Variants in KCNAB1 observed in about 807,000 individuals in gnomAD.
The protein encoded by KCNAB1 is potassium voltage-gated channel subfamily A regulatory beta subunit 1.
Under a neutral mutation model 64.6 loss-of-function variants are expected in KCNAB1, and 35 were observed. The observed-to-expected ratio is 0.54, with a 90% CI of 0.41 to 0.72. The LOEUF (loss-of-function observed/expected upper bound fraction) is 0.72, where lower values mean the gene tolerates loss of function less well. Ranked by LOEUF, KCNAB1 falls within the 30% of genes least tolerant of loss-of-function variation. The pLI is 0.00. For synonymous variants in KCNAB1, 177 were observed against 183.8 expected (o/e 0.96, Z 0.30); for missense variants, 401 against 512.9 (o/e 0.78, Z 2.11).
chr3:156,462,648 C>A (rs1487622629), intron 5 of KCNAB1, among the ~76,000 whole-genome samples: 2 of 152,178 alleles, frequency 1.3e-5, no homozygotes, highest in Admixed American at 6.5e-5. Flanking sequence ...CACCATCATT[C>A]CCCATTGGTT....
At chr3:156,373,211 C>T (rs1726430314) in intron 1 of KCNAB1, among the ~76,000 whole-genome samples, 1 of 152,168 alleles carries the variant, frequency 6.6e-6, no homozygotes, top group South Asian at 2.1e-4. Context: ...GTTATTTCAT[C>T]CCAACACAAC....
At chr3:156,320,994 G>A (rs1333306287) in intron 1 of KCNAB1, among the ~76,000 whole-genome samples, 1 of 151,772 alleles carries the variant, frequency 6.6e-6, no homozygotes, top group Non-Finnish European at 1.5e-5. Flanking sequence ...AGGCACCAGG[G>A]TCACACTTAC....
At chr3:156,513,029 G>A (rs887676449) in intron 8 of KCNAB1, among the ~76,000 whole-genome samples, 11 of 152,150 alleles carry the variant, frequency 7.2e-5, no homozygotes, top group Non-Finnish European at 1.3e-4. Flanking sequence ...TGGCTAACAC[G>A]GTGAAACCCT....
Position 156,536,716 on chromosome 3 carries a change from A to T in KCNAB1, c.1229A>T (p.Lys410Met). 1 of 1,613,066 alleles carries T rather than the reference A, an allele frequency of 6.2e-7. No homozygotes were observed. Among genetic ancestry groups the T allele is most frequent in the Non-Finnish European group, 8.5e-7 (1 of 1,179,000 alleles). The part of the protein sequence containing the change: ...VNEIDNILRN[K>M]PYSKKDYRS ...GAGATTGATAACATACTGCGCAACA[A>T]GCCCTACAGCAAGAAGGACTATAGA... The change falls in exon 14 of 14, where the codon AAG becomes ATG. Residue 410 changes from lysine (K) to methionine (M), a missense_variant. Physicochemically the swap from Lys to Met is moderately conservative, Grantham distance 95 (BLOSUM62 -1). Transcript: ENST00000490337.
intron 1 of KCNAB1, among the ~76,000 whole-genome samples, chr3:156,316,184 G>A (rs1049195410): frequency 6.6e-5 from 10 of 152,198 alleles, no homozygotes; most frequent in African/African-American, 1.9e-4. Flanking sequence ...CTTATTTCCC[G>A]CATTTTATAG....
chr3:156,339,096 C>G (rs1306048552), intron 1 of KCNAB1, among the ~76,000 whole-genome samples: 1 of 152,082 alleles, frequency 6.6e-6, no homozygotes, highest in Non-Finnish European at 1.5e-5. Flanking sequence ...GGCCTGCGCT[C>G]AGGGGTCGGG....
At chr3:156,233,371 A>G (rs1397947114) in intron 1 of KCNAB1, among the ~76,000 whole-genome samples, 2 of 152,182 alleles carry the variant, frequency 1.3e-5, no homozygotes, top group Admixed American at 6.5e-5. Flanking sequence ...ATAAAGACCC[A>G]AAGGAGATAG....
intron 1 of KCNAB1, among the ~76,000 whole-genome samples, chr3:156,130,809 C>T (rs112733789): frequency 0.024 from 3,710 of 152,304 alleles, 65 homozygotes; most frequent in Non-Finnish European, 0.037. Context: ...GCTTCTTGTC[C>T]TGCACCTGTC....
intron 1 of KCNAB1, among the ~76,000 whole-genome samples, chr3:156,295,356 T>G (rs929565249): frequency 1.3e-5 from 2 of 152,190 alleles, no homozygotes; most frequent in Non-Finnish European, 2.9e-5. Flanking sequence ...GTATAATGCC[T>G]TCTACTTATA....
chr3:156,256,686 A>T (rs1718117939), intron 1 of KCNAB1, among the ~76,000 whole-genome samples: 1 of 151,946 alleles, frequency 6.6e-6, no homozygotes. Context: ...TAGCTTAAGT[A>T]TTTTTTTTAC....
At chr3:156,415,796 A>C (rs1489718701) in intron 1 of KCNAB1, among the ~76,000 whole-genome samples, 1 of 152,094 alleles carries the variant, frequency 6.6e-6, no homozygotes, top group African/African-American at 2.4e-5. Context: ...CGGTTCCCTC[A>C]GCCGCTGACC....
At chr3:156,209,134 G>C (rs1264264697) in intron 1 of KCNAB1, among the ~76,000 whole-genome samples, 1 of 152,180 alleles carries the variant, frequency 6.6e-6, no homozygotes, top group African/African-American at 2.4e-5. Flanking sequence ...GAGATGATGA[G>C]TTCCATAATC....
intron 1 of KCNAB1, among the ~76,000 whole-genome samples, chr3:156,373,764 GCCATCA>G (rs1711502944): frequency 6.6e-6 from 1 of 152,202 alleles, no homozygotes; most frequent in African/African-American, 2.4e-5. Flanking sequence ...GCCCTCCACG[GCCATCA>G]GCCTTGTACC....
chr3:156,279,101 T>C lies in KCNAB1; in HGVS notation c.276-142515T>C, dbSNP rs867981567. On this transcript the variant is annotated intron_variant, in intron 1 of 13. Coordinates refer to ENST00000490337, the MANE Select transcript of KCNAB1 (RefSeq NM_172160.3). The stretch of plus-strand genomic sequence containing the variant: ...ATCTAGCATTAGGTATATCTCCCGA[T>C]GCTATCCCTCCCCCCTCCCACCACC... 8.6e-5 allele frequency among the ~76,000 whole-genome samples: 13 copies of C among 151,554 alleles called. 1 individual carries two copies. The Middle Eastern group carries it at 0.031, about 357-fold the overall frequency.
intron 1 of KCNAB1, among the ~76,000 whole-genome samples, chr3:156,367,577 A>G (rs770296434): frequency 6.6e-6 from 1 of 152,242 alleles, no homozygotes; most frequent in Non-Finnish European, 1.5e-5. Flanking sequence ...CCAAAAATTG[A>G]TAATTCAAAA....
At chr3:156,423,402 A>G (rs1322703458) in intron 2 of KCNAB1, among the ~76,000 whole-genome samples, 1 of 152,160 alleles carries the variant, frequency 6.6e-6, no homozygotes, top group Non-Finnish European at 1.5e-5. Flanking sequence ...AGGGCGATTG[A>G]TGGGGTGGTG....
At chr3:156,265,750 T>C (rs780414306) in intron 1 of KCNAB1, among the ~76,000 whole-genome samples, 8 of 152,174 alleles carry the variant, frequency 5.3e-5, no homozygotes, top group Non-Finnish European at 1.0e-4. Flanking sequence ...ATCCCAGCAC[T>C]TTGGGAGTCC....
chr3:156,399,459 G>T (rs1713729329), intron 1 of KCNAB1, among the ~76,000 whole-genome samples: 1 of 152,106 alleles, frequency 6.6e-6, no homozygotes, highest in Non-Finnish European at 1.5e-5. Flanking sequence ...CCTAAGACAG[G>T]GTGTTCTCTT....
intron 1 of KCNAB1, among the ~76,000 whole-genome samples, chr3:156,201,550 G>A (rs1271842533): frequency 6.6e-6 from 1 of 152,244 alleles, no homozygotes; most frequent in Non-Finnish European, 1.5e-5. Context: ...TCCTTGCCTA[G>A]TTCTGCTCCA....
Sources: gnomAD v4.1 joint callset for allele counts (sites outside exome capture counted in the v4.1 genomes callset) on GRCh38, gnomAD v4.1.1 for gene constraint, MANE v1.5 for transcripts, NCBI Gene and HGNC (gene_info 2026-07-23, HGNC 2026-07-21) for gene names.